Variants in MERTK observed in about 807,000 individuals in gnomAD.
The protein encoded by MERTK is tyrosine-protein kinase Mer.
A neutral mutation model predicts 99.3 loss-of-function variants in MERTK; 69 were observed. The observed-to-expected ratio is 0.70, with a 90% CI of 0.57 to 0.85. The LOEUF (loss-of-function observed/expected upper bound fraction) is 0.85. Ranked by LOEUF, MERTK falls within the 40% of genes least tolerant of loss-of-function variation. MERTK has a pLI of 0.00. For synonymous variants in MERTK, 426 were observed against 467.6 expected (o/e 0.91, Z 1.15); for missense variants, 1,125 against 1,249.4 (o/e 0.90, Z 1.50).
At chr2:111,913,058 A>G (rs982388163) in intron 1 of MERTK, 6 of 985,272 alleles carry the variant, frequency 6.1e-6, no homozygotes, top group Non-Finnish European at 7.2e-6. Flanking sequence ...AAGGTGAAAA[A>G]GTTTCTGTGT....
intron 6 of MERTK, among the ~76,000 whole-genome samples, chr2:111,968,804 C>T (rs988539858): frequency 6.6e-6 from 1 of 151,996 alleles, no homozygotes; most frequent in African/African-American, 2.4e-5. Context: ...ACTGGGATTA[C>T]AGGCGTGAGC....
intron 13 of MERTK, among the ~76,000 whole-genome samples, chr2:112,007,121 TACAACCATC>T (rs372314499): frequency 9.2e-5 from 14 of 152,290 alleles, no homozygotes; most frequent in African/African-American, 3.4e-4. Context: ...CATAATGTTA[TACAACCATC>T]ACTACCATCC....
At chr2:111,965,774 CAG>C (rs1685348859) in intron 5 of MERTK, among the ~76,000 whole-genome samples, 1 of 152,126 alleles carries the variant, frequency 6.6e-6, no homozygotes, top group African/African-American at 2.4e-5. Flanking sequence ...CTCAGGGAGA[CAG>C]AGGAAAAGCA....
At chr2:111,903,767 T>C (rs1573558146) in intron 1 of MERTK, among the ~76,000 whole-genome samples, 1 of 152,224 alleles carries the variant, frequency 6.6e-6, no homozygotes, top group East Asian at 1.9e-4. Context: ...GGACCTCTGT[T>C]CCTTTTTGGG....
intron 2 of MERTK, chr2:111,940,734 G>A (rs879017168): frequency 1.2e-6 from 1 of 859,444 alleles, no homozygotes; most frequent in Non-Finnish European, 2.0e-6. Flanking sequence ...CAGGTACTAA[G>A]TCCTTGTATT....
chr2:111,923,482 A>G (rs1171966225), intron 1 of MERTK, among the ~76,000 whole-genome samples: 1 of 152,126 alleles, frequency 6.6e-6, no homozygotes, highest in African/African-American at 2.4e-5. Flanking sequence ...CAGCTGCTGG[A>G]GCAGCTGGGC....
chr2:111,960,497 A>AAAAAG (rs1553451305), intron 4 of MERTK, among the ~76,000 whole-genome samples: 79 of 148,018 alleles, frequency 5.3e-4, no homozygotes, highest in South Asian at 4.3e-3. Flanking sequence ...AAAAAAAAAA[A>AAAAAG]AAAAGAAAAG....
intron 2 of MERTK, among the ~76,000 whole-genome samples, chr2:111,935,315 T>C (rs1684745330): frequency 6.6e-6 from 1 of 152,092 alleles, no homozygotes; most frequent in African/African-American, 2.4e-5. Context: ...GTGAACAGAA[T>C]GGAGGGGAAG....
rs1326353374 is a variant in MERTK at position 111,929,445 on chromosome 2, T to C, written c.387T>C (p.Ser129=). 1 of 1,614,152 alleles carries C rather than the reference T, an allele frequency of 6.2e-7. No homozygotes were observed. Among genetic ancestry groups the C allele is most frequent in the East Asian group, 2.2e-5 (1 of 44,890 alleles). Residue 129 remains serine, a synonymous_variant, in exon 2 of 19, where the codon TCT becomes TCC. Transcript: ENST00000295408. Reference sequence around the variant, plus strand: ...ATATATACCAGGACACCACAATTTCTTGGTGGAAAGATGGGAAGGAATTGC... The same window carrying C: ...ATATATACCAGGACACCACAATTTCCTGGTGGAAAGATGGGAAGGAATTGC... ...VPNIYQDTTI[S]WWKDGKELLG...
chr2:112,028,061 C>T, intron 18 of MERTK: 3 of 441,962 alleles, frequency 6.8e-6, no homozygotes, highest in South Asian at 4.6e-5. Flanking sequence ...CCATAGTTTG[C>T]CCGCCGCCAT....
At chr2:112,012,776 T>C (rs1677133344) in intron 15 of MERTK, among the ~76,000 whole-genome samples, 1 of 152,114 alleles carries the variant, frequency 6.6e-6, no homozygotes, top group Non-Finnish European at 1.5e-5. Context: ...CAGTGAACCA[T>C]GATGACAAGA....
chr2:111,971,998 G>A (rs763985961), intron 6 of MERTK, among the ~76,000 whole-genome samples: 8 of 151,768 alleles, frequency 5.3e-5, no homozygotes, highest in Admixed American at 1.3e-4. Flanking sequence ...AATATCCAGG[G>A]CCTCTTTCCC....
chr2:111,952,883 A>G (rs1278889925), intron 4 of MERTK, among the ~76,000 whole-genome samples: 1 of 152,236 alleles, frequency 6.6e-6, no homozygotes, highest in Non-Finnish European at 1.5e-5. Flanking sequence ...GCCCTATATC[A>G]CATACACACA....
chr2:112,016,537 A>G (rs1677219095), intron 15 of MERTK, among the ~76,000 whole-genome samples: 1 of 152,202 alleles, frequency 6.6e-6, no homozygotes, highest in African/African-American at 2.4e-5. Flanking sequence ...GCGATGGCCC[A>G]ATATCAATGT....
At chr2:111,972,333 C>T (rs1676139867) in intron 6 of MERTK, among the ~76,000 whole-genome samples, 1 of 152,150 alleles carries the variant, frequency 6.6e-6, no homozygotes. Flanking sequence ...GTTTGAAGAG[C>T]CTGAGAGGAC....
In MERTK at chr2:112,010,077, C is replaced by G. The variant is rs765660096; in HGVS notation, c.2079+11C>G. On this transcript the variant is annotated intron_variant, in intron 15 of 18. Transcript: ENST00000295408. ...GAGACAGGACCAAAGGTAATGATCT[C>G]CTTGTGTTACCCCTGAACACTTCTC... 9 of 1,557,700 alleles carry G rather than the reference C, an allele frequency of 5.8e-6. No homozygotes were observed. The highest frequency in any genetic ancestry group is 8.0e-6 in the Non-Finnish European group (9 of 1,129,040).
chr2:111,917,757 C>T (rs188897487), intron 1 of MERTK, among the ~76,000 whole-genome samples: 215 of 151,972 alleles, frequency 1.4e-3, no homozygotes, highest in South Asian at 4.0e-3. Flanking sequence ...TGGTAGCGTG[C>T]GCCTGTAGTC....
chr2:112,001,141 C>A, intron 10 of MERTK, 60 bp from the exon 11 acceptor site: 1 of 1,292,386 alleles, frequency 7.7e-7, no homozygotes, highest in Non-Finnish European at 1.1e-6. Flanking sequence ...CTTGTGGAAT[C>A]AGTGCCTGCC....
At chr2:111,947,304 G>A (rs1042334288) in intron 3 of MERTK, 90 bp from the exon 4 acceptor site, 4 of 590,540 alleles carry the variant, frequency 6.8e-6, no homozygotes. Flanking sequence ...GAAATCTATT[G>A]CCAAGTTCTA....
Sources: allele counts gnomAD v4.1 joint callset (sites outside exome capture counted in the v4.1 genomes callset), GRCh38; gene constraint gnomAD v4.1.1; transcripts MANE v1.5; gene names NCBI Gene and HGNC (gene_info 2026-07-23, HGNC 2026-07-21).